PSD3: variants seen among roughly 807,000 people sequenced by gnomAD.
PSD3 encodes PH and SEC7 domain-containing protein 3.
PSD3 carries 49 observed loss-of-function variants against 105.5 expected under a neutral mutation model. The ratio of observed to expected loss-of-function variants is 0.46; its 90% confidence interval spans 0.37 to 0.59. PSD3 has a LOEUF of 0.59. Ranked by LOEUF, PSD3 falls within the 20% of genes least tolerant of loss-of-function variation. PSD3 has a pLI of 0.00. For missense variants in PSD3, 1,561 were observed against 1,263.8 expected (o/e 1.24, Z -3.57); for synonymous variants, 557 against 457.8 (o/e 1.22, Z -2.77).
chr8:18,556,700 G>T (rs564339074), intron 14 of PSD3, among the ~76,000 whole-genome samples: 61 of 152,282 alleles, frequency 4.0e-4, no homozygotes, highest in African/African-American at 1.4e-3. Flanking sequence ...AGCTAGCATG[G>T]AAGCTGCACA....
intron 1 of PSD3, among the ~76,000 whole-genome samples, chr8:19,054,778 G>A (rs562200412): frequency 1.2e-4 from 18 of 152,290 alleles, no homozygotes; most frequent in African/African-American, 4.3e-4. Flanking sequence ...ACATCTGATA[G>A]CACAAACAAT....
At chr8:19,061,588 A>C (rs757904558) in intron 1 of PSD3, among the ~76,000 whole-genome samples, 5 of 152,046 alleles carry the variant, frequency 3.3e-5, no homozygotes, top group Non-Finnish European at 5.9e-5. Flanking sequence ...TGGGCGGATC[A>C]AGAGGTCAGG....
At chr8:18,578,620 C>G (rs1450081283) in intron 12 of PSD3, among the ~76,000 whole-genome samples, 1 of 151,956 alleles carries the variant, frequency 6.6e-6, no homozygotes, top group African/African-American at 2.4e-5. Context: ...TATTGAATGA[C>G]TTAGACTGTC....
At chr8:18,696,531 A>G (rs921525829) in intron 9 of PSD3, among the ~76,000 whole-genome samples, 2 of 152,186 alleles carry the variant, frequency 1.3e-5, no homozygotes, top group African/African-American at 4.8e-5. Flanking sequence ...GTTAAGATAC[A>G]TTCCGAGGAG....
At chr8:18,538,069 A>G (rs1799938108) in intron 15 of PSD3, among the ~76,000 whole-genome samples, 2 of 152,238 alleles carry the variant, frequency 1.3e-5, no homozygotes, top group South Asian at 4.1e-4. Flanking sequence ...AAATAGGACA[A>G]CATGCTGCAC....
chr8:18,994,654 G>A (rs1040025699), intron 1 of PSD3, among the ~76,000 whole-genome samples: 7 of 151,432 alleles, frequency 4.6e-5, no homozygotes, highest in Non-Finnish European at 7.4e-5. Flanking sequence ...ACAATATTTC[G>A]GACACAGTAG....
At chr8:19,036,790 G>C (rs551599320) in intron 1 of PSD3, among the ~76,000 whole-genome samples, 3 of 152,174 alleles carry the variant, frequency 2.0e-5, no homozygotes, top group Non-Finnish European at 4.4e-5. Context: ...ATGTCCTCTT[G>C]TACGTGGTGG....
chr8:18,821,684 A>AACACACACAC (rs10527060), intron 4 of PSD3, among the ~76,000 whole-genome samples: 34,908 of 130,108 alleles, frequency 0.27, 5,105 homozygotes, highest in East Asian at 0.45. Context: ...TGACCCCCAC[A>AACACACACAC]ACACACACAC....
chr8:18,588,341 T>C (rs1449764072), intron 12 of PSD3, among the ~76,000 whole-genome samples: 1 of 152,192 alleles, frequency 6.6e-6, no homozygotes, highest in East Asian at 1.9e-4. Context: ...CTTCCATTGA[T>C]TGAGGAATTA....
chr8:19,040,601 T>A (rs1186415162), intron 1 of PSD3, among the ~76,000 whole-genome samples: 2 of 152,192 alleles, frequency 1.3e-5, no homozygotes, highest in Non-Finnish European at 2.9e-5. Flanking sequence ...CTTTCTGCCC[T>A]GTGGAGAATA....
intron 1 of PSD3, among the ~76,000 whole-genome samples, chr8:18,961,604 T>G (rs925813949): frequency 4.6e-5 from 7 of 151,988 alleles, no homozygotes; most frequent in Non-Finnish European, 1.0e-4. Context: ...GCAGGCAGAA[T>G]TGCTTCAACC....
intron 1 of PSD3, among the ~76,000 whole-genome samples, chr8:18,938,669 A>T (rs898781514): frequency 4.6e-5 from 7 of 151,946 alleles, no homozygotes; most frequent in African/African-American, 1.7e-4. Context: ...GATTAAGGTT[A>T]ATTAGAATAG....
At chr8:18,596,825 G>C (rs988334549) in intron 12 of PSD3, among the ~76,000 whole-genome samples, 1 of 152,110 alleles carries the variant, frequency 6.6e-6, no homozygotes, top group Non-Finnish European at 1.5e-5. Flanking sequence ...GATTGAATCT[G>C]TAATGAAAAC....
chr8:18,644,985 C>T (rs1448701273), intron 10 of PSD3, among the ~76,000 whole-genome samples: 1 of 152,210 alleles, frequency 6.6e-6, no homozygotes, highest in Non-Finnish European at 1.5e-5. Flanking sequence ...GCTTTGCTGC[C>T]CTTCTCCTAG....
At chr8:18,931,397 C>G (rs1238589098) in intron 2 of PSD3, among the ~76,000 whole-genome samples, 1 of 152,044 alleles carries the variant, frequency 6.6e-6, no homozygotes, top group Non-Finnish European at 1.5e-5. Context: ...CTACAGCATC[C>G]ATTCACATCT....
At chr8:18,931,747 T>C (rs903947333) in intron 2 of PSD3, among the ~76,000 whole-genome samples, 3 of 152,190 alleles carry the variant, frequency 2.0e-5, no homozygotes, top group African/African-American at 4.8e-5. Context: ...AGGTACCTTC[T>C]CCAACAGAAG....
At chr8:18,991,044 G>C (rs751959636) in intron 1 of PSD3, among the ~76,000 whole-genome samples, 1 of 152,078 alleles carries the variant, frequency 6.6e-6, no homozygotes, top group Non-Finnish European at 1.5e-5. Flanking sequence ...TACATAACTG[G>C]GGTAGAAGAA....
At chr8:18,775,277 G>A (rs1462107543) in intron 8 of PSD3, among the ~76,000 whole-genome samples, 1 of 152,038 alleles carries the variant, frequency 6.6e-6, no homozygotes, top group African/African-American at 2.4e-5. Flanking sequence ...TAACATTTAG[G>A]TGAATTCCAT....
chr8:18,634,971 A>G (rs943994643), intron 10 of PSD3, among the ~76,000 whole-genome samples: 1 of 152,124 alleles, frequency 6.6e-6, no homozygotes, highest in African/African-American at 2.4e-5. Context: ...AACAATTATT[A>G]TTACGGTGTT....
Sources: gnomAD v4.1 joint callset for allele counts (sites outside exome capture counted in the v4.1 genomes callset) on GRCh38, gnomAD v4.1.1 for gene constraint, MANE v1.5 for transcripts, NCBI Gene and HGNC (gene_info 2026-07-23, HGNC 2026-07-21) for gene names.